NUP93: variants seen among roughly 807,000 people sequenced by gnomAD.
The protein encoded by NUP93 is nucleoporin 93, also known as nuclear pore complex protein Nup93.
In NUP93, 55 loss-of-function variants were observed where a neutral mutation model predicts 107.8. The ratio of observed to expected loss-of-function variants is 0.51; its 90% CI spans 0.41 to 0.64. The LOEUF (loss-of-function observed/expected upper bound fraction) is 0.64. Among genes scored for constraint, NUP93 ranks in the 30% least tolerant of loss-of-function variants. NUP93 has a pLI of 0.00. For missense variants in NUP93, 937 were observed against 1,044.7 expected (o/e 0.90, Z 1.42); for synonymous variants, 390 against 397.5 (o/e 0.98, Z 0.22).
chr16:56,836,398 G>GTAAGTCATGCCC (rs1387634464), intron 16 of NUP93, among the ~76,000 whole-genome samples: 4 of 152,132 alleles, frequency 2.6e-5, no homozygotes, highest in African/African-American at 4.8e-5. Context: ...TTCATGTGTA[G>GTAAGTCATGCCC]TTTCCTTGGT....
At chr16:56,842,553 T>A (rs747932195) in intron 21 of NUP93, 10 of 408,474 alleles carry the variant, frequency 2.4e-5, no homozygotes, top group Non-Finnish European at 3.8e-5. Context: ...CAATGGTGTT[T>A]GCTTTTTTTT....
chr16:56,750,152 T>G (rs1218506608), intron 2 of NUP93, among the ~76,000 whole-genome samples: 1 of 152,276 alleles, frequency 6.6e-6, no homozygotes, highest in African/African-American at 2.4e-5. Context: ...GGTCATGCTC[T>G]CTTGTAAATT....
At chr16:56,771,026 G>A (rs546034612) in intron 3 of NUP93, among the ~76,000 whole-genome samples, 2 of 152,192 alleles carry the variant, frequency 1.3e-5, no homozygotes, top group African/African-American at 4.8e-5. Context: ...GTGCTAAAAG[G>A]GATCAGAGAT....
chr16:56,822,230 A>G (rs771001286), intron 7 of NUP93, among the ~76,000 whole-genome samples: 1 of 151,920 alleles, frequency 6.6e-6, no homozygotes, highest in African/African-American at 2.4e-5. Context: ...AAAATTGCTC[A>G]GCCCGTTGTG....
intron 2 of NUP93, among the ~76,000 whole-genome samples, chr16:56,749,152 A>G (rs1444314946): frequency 2.0e-5 from 3 of 152,214 alleles, no homozygotes; most frequent in African/African-American, 7.2e-5. Flanking sequence ...CATGAATTAG[A>G]CATGGTTCTT....
intron 1 of NUP93, among the ~76,000 whole-genome samples, chr16:56,735,841 AAAGG>A (rs1337643290): frequency 6.6e-6 from 1 of 151,264 alleles, no homozygotes; most frequent in African/African-American, 2.4e-5. Flanking sequence ...AAAAAAAAAA[AAAGG>A]AAGCTAGAGG....
chr16:56,840,613 T>C (rs1222098941), intron 20 of NUP93, among the ~76,000 whole-genome samples: 1 of 152,224 alleles, frequency 6.6e-6, no homozygotes, highest in Non-Finnish European at 1.5e-5. Flanking sequence ...CTGTCGACAC[T>C]ATAGACTCTA....
chr16:56,822,404 C>T (rs1262572562), intron 7 of NUP93, among the ~76,000 whole-genome samples: 21 of 150,190 alleles, frequency 1.4e-4, no homozygotes, highest in Non-Finnish European at 1.5e-5. Flanking sequence ...CCCAGCTACT[C>T]GAGAGGCTGA....
At chr16:56,791,083 C>G (rs575698408) in intron 3 of NUP93, among the ~76,000 whole-genome samples, 1 of 152,214 alleles carries the variant, frequency 6.6e-6, no homozygotes, top group East Asian at 1.9e-4. Flanking sequence ...TTTTGTAGCA[C>G]CCGGCACCTA....
chr16:56,796,349 G>A (rs1191444704), intron 3 of NUP93, among the ~76,000 whole-genome samples: 1 of 152,130 alleles, frequency 6.6e-6, no homozygotes, highest in African/African-American at 2.4e-5. Flanking sequence ...GTAACATGCT[G>A]TACAGGTTCG....
At chr16:56,787,871 C>CTGTGATTA (rs1326188424) in intron 3 of NUP93, among the ~76,000 whole-genome samples, 1 of 152,098 alleles carries the variant, frequency 6.6e-6, no homozygotes, top group African/African-American at 2.4e-5. Flanking sequence ...CTTATCTTGC[C>CTGTGATTA]CATCACCTTA....
chr16:56,748,547 G>A lies in NUP93; in HGVS notation c.179+121G>A, dbSNP rs1457460031. The A allele has an allele frequency of 4.7e-6, 4 of 845,848 alleles. No homozygotes were observed. The African/African-American group carries it at 5.1e-5, about 11-fold the overall frequency. The allele number at this position is 845,848 out of a possible 1,614,324, so 52.4% of individuals were successfully genotyped here. ...TGACAGCCACTAGCCAGATTCTTGG[G>A]AACTCAGAAAGTGTTGTAAACAGGA... On this transcript the variant is annotated intron_variant, in intron 2 of 21. Transcript: ENST00000308159.
intron 13 of NUP93, among the ~76,000 whole-genome samples, chr16:56,833,828 C>A (rs1236145926): frequency 6.6e-6 from 1 of 152,082 alleles, no homozygotes; most frequent in Non-Finnish European, 1.5e-5. Flanking sequence ...CTGCAGGTTC[C>A]TTATTGTTGC....
At chr16:56,780,926 C>T (rs1483672155) in intron 3 of NUP93, among the ~76,000 whole-genome samples, 4 of 152,146 alleles carry the variant, frequency 2.6e-5, no homozygotes, top group South Asian at 2.1e-4. Context: ...TTGGTCTTAG[C>T]GTGGCTCTGT....
At chr16:56,776,023 A>T (rs1483428139) in intron 3 of NUP93, among the ~76,000 whole-genome samples, 1 of 150,142 alleles carries the variant, frequency 6.7e-6, no homozygotes, top group African/African-American at 2.5e-5. Context: ...CTTAAAGTTT[A>T]TATCCTTGCA....
chr16:56,761,224 G>A (rs746228274), intron 3 of NUP93, among the ~76,000 whole-genome samples: 2 of 152,206 alleles, frequency 1.3e-5, no homozygotes, highest in Non-Finnish European at 2.9e-5. Context: ...AGGGATTGGA[G>A]GTTTTAAGTT....
intron 5 of NUP93, 161 bp downstream of exon 5, chr16:56,805,793 C>A: frequency 1.4e-6 from 1 of 716,960 alleles, no homozygotes; most frequent in Non-Finnish European, 2.3e-6. Context: ...GGACTTCCTC[C>A]AACATGTCTG....
chr16:56,805,558 C>G lies in NUP93; in HGVS notation c.415C>G (p.Gln139Glu). 1.2e-6 allele frequency: 2 copies of G among 1,613,992 alleles called. No individual in the cohort carries two copies. Among genetic ancestry groups the G allele is most frequent in the Non-Finnish European group, 1.7e-6 (2 of 1,179,952 alleles). The part of the protein sequence containing the change: ...HRESMLVEWE[Q>E]VKQRILHTLL... ...GGAGTCAATGTTGGTTGAGTGGGAG[C>G]AAGTGAAACAGCGAATTCTGCACAC... Residue 139 changes from glutamine (Q) to glutamate (E), a missense_variant, in exon 5 of 22, where the codon CAA becomes GAA. By Grantham distance (29) the Gln-to-Glu change is conservative (BLOSUM62 2). Transcript: ENST00000308159.
intron 1 of NUP93, 121 bp downstream of exon 1, chr16:56,730,332 C>G (rs1961511860): frequency 6.6e-6 from 1 of 152,334 alleles, no homozygotes; most frequent in African/African-American, 2.4e-5. Flanking sequence ...TCCCGTTCTC[C>G]TCATGGCAGC....
Sources: gnomAD v4.1 joint callset for allele counts (sites outside exome capture counted in the v4.1 genomes callset) on GRCh38, gnomAD v4.1.1 for gene constraint, MANE v1.5 for transcripts, NCBI Gene and HGNC (gene_info 2026-07-23, HGNC 2026-07-21) for gene names.